Variants in AEBP2 observed in about 807,000 individuals in gnomAD.
The protein encoded by AEBP2 is zinc finger protein AEBP2.
In AEBP2, 10 loss-of-function variants were observed where a neutral mutation model predicts 50.8. That is an observed-to-expected ratio of 0.20 (90% confidence interval 0.12 to 0.33). The LOEUF is 0.33. Among genes scored for constraint, AEBP2 ranks in the 10% least tolerant of loss-of-function variants. The pLI is 1.00. For synonymous variants in AEBP2, 296 were observed against 261.3 expected, an observed-to-expected ratio of 1.13 and a Z score of -1.28; for missense variants, 570 against 688.0, an observed-to-expected ratio of 0.83 and a Z score of 1.92.
chr12:19,414,206 G>T (rs2095741012), intron 1 of AEBP2, among the ~76,000 whole-genome samples: 1 of 152,016 alleles, frequency 6.6e-6, no homozygotes, highest in Non-Finnish European at 1.5e-5. Context: ...AGGTCTTTAT[G>T]ACCCGTATCT....
At chr12:19,444,944 G>T (rs1480417175) in intron 1 of AEBP2, among the ~76,000 whole-genome samples, 1 of 152,092 alleles carries the variant, frequency 6.6e-6, no homozygotes, top group Non-Finnish European at 1.5e-5. Context: ...ACGCAGGCTG[G>T]AGTGCAGTGG....
chr12:19,405,623 T>C (rs1174011598), intron 1 of AEBP2, among the ~76,000 whole-genome samples: 1 of 152,050 alleles, frequency 6.6e-6, no homozygotes, highest in African/African-American at 2.4e-5. Context: ...TGCGCCCGGC[T>C]GGATTTGTTC....
At chr12:19,509,762 T>G (rs189682307) in intron 5 of AEBP2, among the ~76,000 whole-genome samples, 1 of 150,846 alleles carries the variant, frequency 6.6e-6, no homozygotes, top group Non-Finnish European at 1.5e-5. Context: ...AAAGTGAAAT[T>G]GAGACAGGGT....
chr12:19,509,998 A>G (rs1284207011), intron 5 of AEBP2, among the ~76,000 whole-genome samples: 3 of 151,592 alleles, frequency 2.0e-5, no homozygotes, highest in Non-Finnish European at 4.4e-5. Flanking sequence ...ACACCTGGCT[A>G]ATTTTTATAT....
At chr12:19,505,825 A>G (rs1179541842) in intron 5 of AEBP2, among the ~76,000 whole-genome samples, 2 of 151,888 alleles carry the variant, frequency 1.3e-5, no homozygotes, top group African/African-American at 2.4e-5. Context: ...ACCCAGGGTG[A>G]AATGTGGTGG....
intron 1 of AEBP2, among the ~76,000 whole-genome samples, chr12:19,450,942 A>G (rs1290569277): frequency 6.6e-6 from 1 of 151,880 alleles, no homozygotes; most frequent in Non-Finnish European, 1.5e-5. Flanking sequence ...TTCTTAAATC[A>G]GTAATTCATT....
intron 2 of AEBP2, 24 bp downstream of exon 2, chr12:19,462,741 T>C: frequency 6.4e-7 from 1 of 1,565,296 alleles, no homozygotes; most frequent in Non-Finnish European, 8.7e-7. Flanking sequence ...TTTCTTTTTT[T>C]CGCTCCCTGT....
intron 6 of AEBP2, 40 bp downstream of exon 6, chr12:19,512,505 GT>G (rs1654817739): frequency 7.9e-6 from 10 of 1,264,666 alleles, no homozygotes; most frequent in Non-Finnish European, 1.1e-5. Flanking sequence ...ATAAGTTCAT[GT>G]TTTATTTTTG....
chr12:19,422,931 G>C (rs1424118526), intron 1 of AEBP2, among the ~76,000 whole-genome samples: 1 of 151,248 alleles, frequency 6.6e-6, no homozygotes, highest in Non-Finnish European at 1.5e-5. Flanking sequence ...TGGGCATGGT[G>C]GTGCATGCCT....
intron 3 of AEBP2, among the ~76,000 whole-genome samples, chr12:19,475,233 C>T (rs1446450927): frequency 6.6e-6 from 1 of 151,762 alleles, no homozygotes; most frequent in African/African-American, 2.4e-5. Flanking sequence ...ACCACCCCCA[C>T]CCTTCCCTCC....
Position 19,514,704 on chromosome 12 carries a change from A to C in AEBP2, c.1401A>C (p.Arg467=). Residue 467 remains arginine, a synonymous_variant, in exon 7 of 8, where the codon CGA becomes CGC. Transcript: ENST00000266508. ...LPDVWVNESE[R]HQLKTKVVHL... ...ATGTGTGGGTGAATGAAAGTGAACG[A>C]CATCAGTTAAAAACTAAAGTAGTTC... The C allele has an allele frequency of 6.2e-7, 1 of 1,610,706 alleles. No homozygotes were observed. Among genetic ancestry groups the C allele is most frequent in the South Asian group, 1.1e-5 (1 of 90,034 alleles).
At chr12:19,462,929 C>A (rs969797966) in intron 2 of AEBP2, among the ~76,000 whole-genome samples, 2 of 151,926 alleles carry the variant, frequency 1.3e-5, no homozygotes, top group Non-Finnish European at 2.9e-5. Context: ...TTTTTAGATA[C>A]GTTATTTTGA....
chr12:19,451,350 G>C (rs1326119216), intron 1 of AEBP2, among the ~76,000 whole-genome samples: 1 of 152,136 alleles, frequency 6.6e-6, no homozygotes, highest in Admixed American at 6.5e-5. Context: ...GGGCTGGGAA[G>C]ACTCAAAACA....
At chr12:19,452,607 A>C (rs921707193) in intron 1 of AEBP2, among the ~76,000 whole-genome samples, 1 of 152,184 alleles carries the variant, frequency 6.6e-6, no homozygotes, top group African/African-American at 2.4e-5. Flanking sequence ...AGGGCAAATA[A>C]TTATAATCTG....
intron 3 of AEBP2, among the ~76,000 whole-genome samples, chr12:19,473,644 G>GA (rs1948604903): frequency 6.6e-6 from 1 of 152,120 alleles, no homozygotes; most frequent in Non-Finnish European, 1.5e-5. Flanking sequence ...GACCTCAGGT[G>GA]ATTCTCCCGC....
chr12:19,411,559 AG>A (rs11291110), intron 1 of AEBP2, among the ~76,000 whole-genome samples: 23,716 of 152,112 alleles, frequency 0.16, 3,285 homozygotes, highest in African/African-American at 0.37. Flanking sequence ...TGCTTCTTAG[AG>A]TTGGGAGGAT....
rs938323514 is a variant in AEBP2, at chr12:19,494,605, TC to T, written c.1174+622del. Among the ~76,000 whole-genome samples the T allele has an allele frequency of 7.6e-5, 11 of 144,800 alleles. No homozygotes were observed. The Admixed American group carries it at 7.9e-4, about 10-fold the overall frequency. 95.0% of individuals were successfully genotyped at this position (144,800 alleles called of 152,430 possible). ...TGTGTTGGACGGGCTGGTCTCAAAC[TC>T]CCGACCTCAGGTGATTGCCTGTCTC... On this transcript the variant is annotated intron_variant, in intron 4 of 7. Transcript: ENST00000266508.
rs149531685 is a variant in AEBP2, at chr12:19,411,707, C to T, written c.-17+7491C>T. On this transcript the variant is annotated intron_variant, in intron 1 of 3. Transcript: ENST00000538425. Reference sequence around the variant, plus strand: ...ATCTAAGACCTCTACAGTGCTGGAACATCGCCCGAAGGAAACACATTCATT... The same window carrying T: ...ATCTAAGACCTCTACAGTGCTGGAATATCGCCCGAAGGAAACACATTCATT... Among the ~76,000 whole-genome samples the T allele has an allele frequency of 4.7e-3, 716 of 152,342 alleles. 1 individual carries two copies. The highest frequency in any genetic ancestry group is 7.8e-3 in the Non-Finnish European group (532 of 68,032).
At chr12:19,477,471 C>T (rs1209608977) in intron 3 of AEBP2, among the ~76,000 whole-genome samples, 2 of 152,132 alleles carry the variant, frequency 1.3e-5, no homozygotes, top group African/African-American at 4.8e-5. Flanking sequence ...TACTTCTGTG[C>T]CAGTTTTGTT....
Sources: gnomAD v4.1 joint callset for allele counts (sites outside exome capture counted in the v4.1 genomes callset) on GRCh38, gnomAD v4.1.1 for gene constraint, MANE v1.5 for transcripts, NCBI Gene and HGNC (gene_info 2026-07-23, HGNC 2026-07-21) for gene names.